ABCF3: variants seen among roughly 807,000 people sequenced by gnomAD.
ABCF3 encodes the protein ATP-binding cassette sub-family F member 3.
Under a neutral mutation model 94.3 loss-of-function variants are expected in ABCF3, and 62 were observed. That is an observed-to-expected ratio of 0.66 (90% CI 0.54 to 0.81). The LOEUF (loss-of-function observed/expected upper bound fraction) is 0.81, where lower values mean the gene tolerates loss of function less well. ABCF3 is among the 40% of genes least tolerant of loss of function. The pLI, the probability that ABCF3 is intolerant of heterozygous loss-of-function variation, is 0.00. For missense variants in ABCF3, 843 were observed against 925.3 expected (o/e 0.91, Z 1.15); for synonymous variants, 355 against 361.1 (o/e 0.98, Z 0.19).
At chr3:184,186,417 A>G in intron 1 of ABCF3, 90 bp from the exon 2 acceptor site, 1 of 1,582,942 alleles carries the variant, frequency 6.3e-7, no homozygotes, top group Admixed American at 1.7e-5. Flanking sequence ...TTGGGTCTGG[A>G]GCCTGGACTG....
chr3:184,191,682 C>T (rs975447523), intron 16 of ABCF3, among the ~76,000 whole-genome samples: 4 of 150,698 alleles, frequency 2.7e-5, no homozygotes, highest in Admixed American at 6.7e-5. Flanking sequence ...AGTAAGTCCC[C>T]AGCACTTAGC....
intron 14 of ABCF3, chr3:184,190,461 A>G: frequency 1.2e-5 from 2 of 166,756 alleles, no homozygotes; most frequent in Non-Finnish European, 2.6e-5. Flanking sequence ...TAGGCGCAGA[A>G]TTGCTGGGTT....
Position 184,193,082 on chromosome 3 carries a change from T to C in ABCF3, c.1751-20T>C. 3.3e-6 allele frequency: 5 copies of C among 1,536,124 alleles called. No individual in the cohort carries two copies. The highest frequency in any genetic ancestry group is 4.4e-6 in the Non-Finnish European group (5 of 1,142,956). ...GGTGTTGGGCCAAGAAGCCACCTGA[T>C]CTGGGGAGTCCTTTTCCAGGGCGGC... On this transcript the variant is annotated intron_variant, in intron 18 of 20. Coordinates refer to ENST00000429586, the MANE Select transcript of ABCF3 (RefSeq NM_018358.3). The surrounding 1 kb of genome is among the most constrained non-coding windows in gnomAD (Gnocchi z 5.2).
At chr3:184,190,796 A>G in intron 14 of ABCF3, 2 of 607,594 alleles carry the variant, frequency 3.3e-6, no homozygotes, top group Admixed American at 3.1e-5. Flanking sequence ...ACATATCACA[A>G]TATAGTAACT....
chr3:184,192,578 A>G (rs1413485987), intron 16 of ABCF3, 23 bp from the exon 17 acceptor site: 2 of 1,600,320 alleles, frequency 1.2e-6, no homozygotes, highest in South Asian at 1.1e-5. Context: ...CACACACTGT[A>G]TGACATTTTC....
At position 184,187,774 on chromosome 3, in the gene ABCF3, A is replaced by T; in HGVS notation, c.446+13A>T. 3 of 1,614,216 alleles carry T rather than the reference A, an allele frequency of 1.9e-6. No homozygotes were observed. The highest frequency in any genetic ancestry group is 2.5e-6 in the Non-Finnish European group (3 of 1,180,038). On this transcript the variant is annotated intron_variant, in intron 5 of 20. Transcript: ENST00000429586. ...CCAGCAACCCTCTGTGAGTGGGGGA[A>T]GCATGGCTCAGAAGAGAGCAGAGCA...
In ABCF3 at chr3:184,186,244, C is replaced by T. The variant is rs1335945997; in HGVS notation, c.37C>T (p.Pro13Ser). Residue 13 changes from proline (P) to serine (S), a missense_variant, in exon 1 of 21, where the codon CCC (proline) becomes TCC (serine). Physicochemically the swap from Pro to Ser is moderately conservative, Grantham distance 74 (BLOSUM62 -1). Coordinates refer to ENST00000429586, the MANE Select transcript of ABCF3 (RefSeq NM_018358.3). Reference protein sequence around the residue: ...TCAEILRSEFPEIDGQVFDYV... With the variant: ...TCAEILRSEFSEIDGQVFDYV... ...CGCCGAAATCCTGCGGAGCGAGTTC[C>T]CCGAAATTGACGGACAAGTCTTCGA... 3.7e-6 allele frequency: 6 copies of T among 1,614,262 alleles called. No individual in the cohort carries two copies. Among genetic ancestry groups the T allele is most frequent in the Non-Finnish European group, 5.1e-6 (6 of 1,180,050 alleles).
intron 10 of ABCF3, 33 bp from the exon 11 acceptor site, chr3:184,189,222 C>T: frequency 6.2e-7 from 1 of 1,614,172 alleles, no homozygotes. Context: ...AGTTGCTGAC[C>T]TAAAACCTCA....
intron 14 of ABCF3, chr3:184,190,214 T>C (rs843342): frequency 0.52 from 257,458 of 491,204 alleles, 68,309 homozygotes; most frequent in East Asian, 0.64. Flanking sequence ...TTGTGCCTGG[T>C]GTCTTTTACC....
intron 16 of ABCF3, among the ~76,000 whole-genome samples, chr3:184,191,629 C>A (rs1467445770): frequency 6.6e-6 from 1 of 152,092 alleles, no homozygotes; most frequent in Non-Finnish European, 1.5e-5. Flanking sequence ...CTTCCTAACT[C>A]TTAAGATGGC....
intron 3 of ABCF3, chr3:184,187,108 C>G (rs776842224): frequency 1.1e-4 from 70 of 634,666 alleles, no homozygotes; most frequent in Admixed American, 3.7e-4. Context: ...TGGAGCTGGA[C>G]AGACTTGCTT....
At position 184,186,580 on chromosome 3, in the gene ABCF3, A is replaced by G. The variant is rs1417594803; in HGVS notation, c.147A>G (p.Gln49=). 2 of 1,614,052 alleles carry G rather than the reference A, an allele frequency of 1.2e-6. No homozygotes were observed. Among genetic ancestry groups the G allele is most frequent in the Non-Finnish European group, 1.7e-6 (2 of 1,179,970 alleles). ...DLVEAVGELL[Q]EVSGDSKDDA... ...TGGAAGCTGTAGGGGAACTATTGCAAGAGGTGTCCGGGGACAGCAAGGATG... is the reference window on the plus strand; with the variant it reads ...TGGAAGCTGTAGGGGAACTATTGCAGGAGGTGTCCGGGGACAGCAAGGATG... The change falls in exon 2 of 21, where the codon CAA becomes CAG. Residue 49 remains glutamine, a synonymous_variant. Coordinates refer to ENST00000429586, the MANE Select transcript of ABCF3 (RefSeq NM_018358.3).
In ABCF3 at chr3:184,191,196, A is replaced by G. The variant is rs1365318681; in HGVS notation, c.1510A>G (p.Lys504Glu). 6.2e-7 allele frequency: 1 copy of G among 1,614,132 alleles called. No individual in the cohort carries two copies. Among genetic ancestry groups the G allele is most frequent in the African/African-American group, 1.3e-5 (1 of 75,020 alleles). Residue 504 changes from lysine (K) to glutamate (E), a missense_variant, in exon 16 of 21, where the codon AAG (lysine) becomes GAG (glutamate). Lys to Glu is a moderately conservative substitution (Grantham distance 56, BLOSUM62 1). Transcript: ENST00000429586. ...LDEVDFYYDP[K>E]HVIFSRLSVS... ...TGAGGTGGATTTCTACTACGATCCG[A>G]AGCACGTCATCTTCAGTCGCCTCTC...
rs775699975 is a variant in ABCF3 at position 184,189,874 on chromosome 3, G to A, written c.1334G>A (p.Arg445His). The change falls in exon 14 of 21, where the codon CGC (arginine) becomes CAC (histidine). Residue 445 changes from arginine to histidine, a missense_variant. Coordinates refer to ENST00000429586, the MANE Select transcript of ABCF3 (RefSeq NM_018358.3). ...QHIQVFIDRF[R>H]YNANRASQVQ... Reference sequence around the variant, plus strand: ...CTGCAGGTTTTCATTGACCGGTTTCGCTACAATGCCAACAGGGCCTCTCAA... The same window carrying A: ...CTGCAGGTTTTCATTGACCGGTTTCACTACAATGCCAACAGGGCCTCTCAA... The A allele has an allele frequency of 1.1e-5, 18 of 1,614,068 alleles. No individual in the cohort carries two copies. Among genetic ancestry groups the A allele is most frequent in the East Asian group, 1.1e-4 (5 of 44,894 alleles).
rs1251553617 is a variant in ABCF3, at chr3:184,193,052, G to A, written c.1751-50G>A. 2.6e-6 allele frequency: 4 copies of A among 1,540,380 alleles called. No homozygotes were observed. Among genetic ancestry groups the A allele is most frequent in the Non-Finnish European group, 3.5e-6 (4 of 1,143,192 alleles). On this transcript the variant is annotated intron_variant, in intron 18 of 20. Coordinates refer to ENST00000429586, the MANE Select transcript of ABCF3 (RefSeq NM_018358.3). This position sits in a 1 kb window ranked among gnomAD's most constrained non-coding sequence, Gnocchi z 5.2. Reference sequence around the variant, plus strand: ...CTTGGAGGTGTGGCTGGAGGGCACAGGGAGGGTGTTGGGCCAAGAAGCCAC... The same window carrying A: ...CTTGGAGGTGTGGCTGGAGGGCACAAGGAGGGTGTTGGGCCAAGAAGCCAC...
intron 4 of ABCF3, 61 bp from the exon 5 acceptor site, chr3:184,187,603 C>T (rs1216595709): frequency 1.3e-6 from 2 of 1,594,310 alleles, no homozygotes; most frequent in Non-Finnish European, 8.6e-7. Context: ...GAGATGTTCT[C>T]TCTTGGGGTT....
Position 184,187,718 on chromosome 3 carries a change from G to T in ABCF3, c.403G>T (p.Glu135Ter), listed in dbSNP as rs1715729755. Residue 135 changes from glutamate (E) to a stop codon, truncating the protein, a stop_gained, in exon 5 of 21, where the codon GAG becomes TAG. Transcript: ENST00000429586. LOFTEE classifies it high-confidence loss of function. ...KAEARLKAKQ[E>*]KRSEKDTLKT... ...CGAGGCTCGACTTAAGGCAAAGCAGGAGAAGCGCTCAGAGAAGGACACGCT... is the reference window on the plus strand; with the variant it reads ...CGAGGCTCGACTTAAGGCAAAGCAGTAGAAGCGCTCAGAGAAGGACACGCT... The T allele has an allele frequency of 3.1e-6, 5 of 1,614,220 alleles. No individual in the cohort carries two copies. Among genetic ancestry groups the T allele is most frequent in the Non-Finnish European group, 4.2e-6 (5 of 1,180,036 alleles).
chr3:184,190,899 G>T, intron 14 of ABCF3, 100 bp from the exon 15 acceptor site: 1 of 1,345,818 alleles, frequency 7.4e-7, no homozygotes. Context: ...TGAGTGGTAG[G>T]AGTACAAGCC....
intron 3 of ABCF3, 195 bp downstream of exon 3, chr3:184,187,070 C>G: frequency 3.1e-6 from 2 of 650,162 alleles, no homozygotes; most frequent in Non-Finnish European, 5.2e-6. Context: ...CCTCCAAGCT[C>G]TTGGGTAGGA....
Sources: allele counts gnomAD v4.1 joint callset (sites outside exome capture counted in the v4.1 genomes callset), GRCh38; gene constraint gnomAD v4.1.1; non-coding constraint Gnocchi (gnomAD v3.1); transcripts MANE v1.5; gene names NCBI Gene and HGNC (gene_info 2026-07-23, HGNC 2026-07-21).